Variants in ADARB2 observed in about 807,000 individuals in gnomAD.
ADARB2 encodes the protein inactive double-stranded RNA-specific editase B2.
In ADARB2, 25 loss-of-function variants were observed where a neutral mutation model predicts 62.2. The observed-to-expected ratio is 0.40, with a 90% CI of 0.29 to 0.56. The LOEUF (loss-of-function observed/expected upper bound fraction) is 0.56. Ranked by LOEUF, ADARB2 falls within the 20% of genes least tolerant of loss-of-function variation. ADARB2 has a pLI of 0.43. For synonymous variants in ADARB2, 572 were observed against 500.8 expected (o/e 1.14, Z -1.90); for missense variants, 1,071 against 1,077.4 (o/e 0.99, Z 0.08).
chr10:1,555,958 C>T lies in ADARB2; in HGVS notation c.101-176798G>A, dbSNP rs144567939. Reference sequence around the variant, plus strand: ...TCAAAAAACAAAACAAAACAAAAAACTGAAAACATACATGTTGTGCATGTT... The same window carrying T: ...TCAAAAAACAAAACAAAACAAAAAATTGAAAACATACATGTTGTGCATGTT... On this transcript the variant is annotated intron_variant, in intron 1 of 9. Coordinates refer to ENST00000381312, the MANE Select transcript of ADARB2 (RefSeq NM_018702.4). Among the ~76,000 whole-genome samples the T allele has an allele frequency of 8.8e-3, 1,342 of 152,212 alleles. 14 individuals are homozygous for T. Among genetic ancestry groups the T allele is most frequent in the Non-Finnish European group, 0.013 (912 of 68,004 alleles).
chr10:1,522,109 A>C (rs1399444277), intron 1 of ADARB2, among the ~76,000 whole-genome samples: 1 of 152,236 alleles, frequency 6.6e-6, no homozygotes, highest in Non-Finnish European at 1.5e-5. Flanking sequence ...AATTGTCAGG[A>C]GCAAGGGAAA....
intron 9 of ADARB2, 92 bp from the exon 10 acceptor site, chr10:1,183,461 C>T: frequency 5.4e-6 from 8 of 1,474,332 alleles, no homozygotes; most frequent in Non-Finnish European, 6.4e-6. Flanking sequence ...CAGCTCCTGG[C>T]CTTGGCCTTC....
chr10:1,485,794 C>T lies in ADARB2; in HGVS notation c.101-106634G>A, dbSNP rs560818756. 4.6e-5 allele frequency among the ~76,000 whole-genome samples: 7 copies of T among 152,332 alleles called. No homozygotes were observed. The East Asian group carries it at 1.3e-3, about 29-fold the overall frequency. Reference sequence around the variant, plus strand: ...CCCATGTTCATTCCTCTGTCTCACCCACCTTGAGTGTTTGAAACCAGAAAC... The same window carrying T: ...CCCATGTTCATTCCTCTGTCTCACCTACCTTGAGTGTTTGAAACCAGAAAC... On this transcript the variant is annotated intron_variant, in intron 1 of 9. Transcript: ENST00000381312.
intron 1 of ADARB2, among the ~76,000 whole-genome samples, chr10:1,634,720 G>A (rs1385435080): frequency 6.6e-6 from 1 of 152,162 alleles, no homozygotes; most frequent in Non-Finnish European, 1.5e-5. Context: ...ACTCTGAAGA[G>A]TTATATGTAT....
At chr10:1,590,214 C>A (rs1833234023) in intron 1 of ADARB2, among the ~76,000 whole-genome samples, 1 of 152,172 alleles carries the variant, frequency 6.6e-6, no homozygotes, top group Non-Finnish European at 1.5e-5. Flanking sequence ...CATCTGTGCT[C>A]ATTTTCACAT....
intron 1 of ADARB2, among the ~76,000 whole-genome samples, chr10:1,675,733 C>T (rs1834459692): frequency 6.6e-6 from 1 of 152,010 alleles, no homozygotes; most frequent in Admixed American, 6.6e-5. Flanking sequence ...TTCTGGCTGA[C>T]AGCCTGGAGA....
At chr10:1,412,496 T>C (rs2131880060) in intron 1 of ADARB2, among the ~76,000 whole-genome samples, 1 of 152,344 alleles carries the variant, frequency 6.6e-6, no homozygotes, top group Admixed American at 6.5e-5. Context: ...CTCTATTTTA[T>C]TTTAAAGCAA....
intron 4 of ADARB2, among the ~76,000 whole-genome samples, chr10:1,254,299 G>A (rs888405165): frequency 3.9e-5 from 6 of 152,194 alleles, no homozygotes; most frequent in African/African-American, 1.2e-4. Context: ...CCTGTTGTAT[G>A]GGTGACATCA....
At chr10:1,726,189 T>C (rs1051168250) in intron 1 of ADARB2, among the ~76,000 whole-genome samples, 1 of 152,226 alleles carries the variant, frequency 6.6e-6, no homozygotes, top group African/African-American at 2.4e-5. Flanking sequence ...TTATTTATTC[T>C]CTACAGTGCG....
intron 1 of ADARB2, among the ~76,000 whole-genome samples, chr10:1,474,679 A>G (rs1831374950): frequency 6.6e-6 from 1 of 152,132 alleles, no homozygotes; most frequent in Admixed American, 6.5e-5. Context: ...GACCCAGTTC[A>G]CCTGCACCCA....
intron 1 of ADARB2, among the ~76,000 whole-genome samples, chr10:1,654,842 C>T (rs12413772): frequency 1.3e-5 from 2 of 152,206 alleles, no homozygotes; most frequent in African/African-American, 4.8e-5. Flanking sequence ...ACTGCAGCCC[C>T]TTCCCAGCCA....
chr10:1,698,109 C>T (rs1189577237), intron 1 of ADARB2, among the ~76,000 whole-genome samples: 2 of 152,238 alleles, frequency 1.3e-5, no homozygotes, highest in African/African-American at 4.8e-5. Context: ...TCTCTGGCTT[C>T]CCTCTTTAGT....
chr10:1,446,412 A>G (rs1830970105), intron 1 of ADARB2, among the ~76,000 whole-genome samples: 1 of 152,246 alleles, frequency 6.6e-6, no homozygotes, highest in Admixed American at 6.5e-5. Flanking sequence ...GCACCTGTTT[A>G]TTCAGTCTTC....
chr10:1,183,120 G>C lies in ADARB2; in HGVS notation c.*73C>G. ...ACGAATGCAGGGAACCGGCCGACCCGCCACGTCGCCCCCCAGACACGGTCC... is the reference window on the plus strand; with the variant it reads ...ACGAATGCAGGGAACCGGCCGACCCCCCACGTCGCCCCCCAGACACGGTCC... On this transcript the variant is annotated 3_prime_UTR_variant, in exon 10 of 10. Transcript: ENST00000381312. The C allele has an allele frequency of 1.3e-6, 2 of 1,535,212 alleles. No individual in the cohort carries two copies. The highest frequency in any genetic ancestry group is 1.8e-6 in the Non-Finnish European group (2 of 1,133,572).
intron 3 of ADARB2, among the ~76,000 whole-genome samples, chr10:1,345,097 GT>G (rs1589198798): frequency 6.6e-6 from 1 of 151,688 alleles, no homozygotes; most frequent in East Asian, 1.9e-4. Context: ...GCAGCCTCGG[GT>G]GTGAGCCAGG....
At chr10:1,298,783 A>C (rs1361500369) in intron 3 of ADARB2, among the ~76,000 whole-genome samples, 16 of 113,976 alleles carry the variant, frequency 1.4e-4, no homozygotes, top group South Asian at 6.1e-4. Flanking sequence ...AGATTTGCCC[A>C]GGCTGGAGTG....
chr10:1,429,869 G>C (rs576098533), intron 1 of ADARB2, among the ~76,000 whole-genome samples: 1 of 151,184 alleles, frequency 6.6e-6, no homozygotes, highest in Non-Finnish European at 1.5e-5. Flanking sequence ...TTCCTCCCCT[G>C]TCTTACTCCT....
At chr10:1,731,775 C>T (rs1019734205) in intron 1 of ADARB2, among the ~76,000 whole-genome samples, 5 of 152,316 alleles carry the variant, frequency 3.3e-5, no homozygotes, top group African/African-American at 7.2e-5. Context: ...TTTTCTTGAG[C>T]TATCCTAACC....
chr10:1,633,792 C>T (rs1020318364), intron 1 of ADARB2, among the ~76,000 whole-genome samples: 5 of 152,166 alleles, frequency 3.3e-5, no homozygotes, highest in Admixed American at 3.3e-4. Context: ...CTGTCCTGGG[C>T]TCTCCCTGAG....
Sources: allele counts gnomAD v4.1 joint callset (sites outside exome capture counted in the v4.1 genomes callset), GRCh38; gene constraint gnomAD v4.1.1; transcripts MANE v1.5; gene names NCBI Gene and HGNC (gene_info 2026-07-23, HGNC 2026-07-21).